KICS2: variants seen among roughly 807,000 people sequenced by gnomAD.
The protein encoded by KICS2 is KICSTOR complex protein C12orf66.
A neutral mutation model predicts 31.4 loss-of-function variants in KICS2; 13 were observed. The ratio of observed to expected loss-of-function variants is 0.41; its 90% confidence interval spans 0.27 to 0.66. The LOEUF (loss-of-function observed/expected upper bound fraction) is 0.66, where lower values mean the gene tolerates loss of function less well. KICS2 is among the 30% of genes least tolerant of loss of function. The pLI is 0.28. For missense variants in KICS2, 455 were observed against 545.4 expected (o/e 0.83, Z 1.65); for synonymous variants, 209 against 214.8 (o/e 0.97, Z 0.24).
rs2037689031 is a variant in KICS2 at position 64,222,066 on chromosome 12, A to C, written c.172T>G (p.Leu58Val). 3.7e-6 allele frequency: 6 copies of C among 1,613,532 alleles called. No individual in the cohort carries two copies. The highest frequency in any genetic ancestry group is 4.2e-6 in the Non-Finnish European group (5 of 1,179,860). ...GGSWLSLLAA[L>V]AHLAAAEKVY... ...TTCTCGGCCGCGGCCAGGTGCGCCA[A>C]GGCCGCCAGCAGCGACAGCCAGCTG... Residue 58 changes from leucine to valine, a missense_variant, in exon 1 of 3, where the codon TTG (leucine) becomes GTG (valine). By Grantham distance (32) the Leu-to-Val change is conservative. Transcript: ENST00000398055.
chr12:64,218,430 TA>T (rs906989908), intron 1 of KICS2, among the ~76,000 whole-genome samples: 1 of 151,880 alleles, frequency 6.6e-6, no homozygotes, highest in Non-Finnish European at 1.5e-5. Context: ...GTGATAGAGC[TA>T]AAAAAAACAA....
At position 64,222,181 on chromosome 12, in the gene KICS2, C is replaced by G; in HGVS notation, c.57G>C (p.Glu19Asp). ...AGATACCCAGGTGAGAGAAGAACGT[C>G]TCCAGCACCGCCTGTTCCACCGGGA... ...APVPVEQAVL[E>D]TFFSHLGIFS... Residue 19 changes from glutamate (E) to aspartate (D), a missense_variant, in exon 1 of 3, where the codon GAG becomes GAC. Glu to Asp is a conservative substitution (Grantham distance 45, BLOSUM62 2). Transcript: ENST00000398055. 6.2e-7 allele frequency: 1 copy of G among 1,614,118 alleles called. No homozygotes were observed. The highest frequency in any genetic ancestry group is 1.3e-5 in the African/African-American group (1 of 75,062).
downstream of KICS2, chr12:64,187,542 A>C (rs1236804807): frequency 4.8e-6 from 6 of 1,237,716 alleles, 1 homozygote; most frequent in Admixed American, 8.0e-5. Flanking sequence ...AGAAGTCTCC[A>C]AAGGCAGAAA....
intron 2 of KICS2, among the ~76,000 whole-genome samples, chr12:64,205,208 CCTTAAGAGGACATAA>C: frequency 6.6e-6 from 1 of 152,174 alleles, no homozygotes; most frequent in Non-Finnish European, 1.5e-5. Context: ...CCAATGCTCT[CCTTAAGAGGACATAA>C]ATTCCCTGTC....
At position 64,194,493 on chromosome 12, in the gene KICS2, G is replaced by C. The variant is rs1342248743; in HGVS notation, c.687C>G (p.Ile229Met). The change falls in exon 3 of 3, where the codon ATC (isoleucine) becomes ATG (methionine). Residue 229 changes from isoleucine to methionine, a missense_variant. Physicochemically the swap from Ile to Met is conservative, Grantham distance 10 (BLOSUM62 1). Transcript: ENST00000398055. ...TCTTGGTCTCCCGCTGTTTCTCAAAGATCTGGCCCCACGTCTGCAGTTTGG... is the reference window on the plus strand; with the variant it reads ...TCTTGGTCTCCCGCTGTTTCTCAAACATCTGGCCCCACGTCTGCAGTTTGG... Reference protein sequence around the residue: ...AHTKLQTWGQIFEKQRETKKH... With the variant: ...AHTKLQTWGQMFEKQRETKKH... The C allele has an allele frequency of 6.2e-7, 1 of 1,614,126 alleles. No homozygotes were observed. Among genetic ancestry groups the C allele is most frequent in the South Asian group, 1.1e-5 (1 of 91,082 alleles).
At position 64,194,447 on chromosome 12, in the gene KICS2, A is replaced by T; in HGVS notation, c.733T>A (p.Ser245Thr). The T allele has an allele frequency of 6.2e-7, 1 of 1,614,194 alleles. No homozygotes were observed. Among genetic ancestry groups the T allele is most frequent in the Non-Finnish European group, 8.5e-7 (1 of 1,180,030 alleles). Residue 245 changes from serine (S) to threonine (T), a missense_variant, in exon 3 of 3, where the codon TCT becomes ACT. Coordinates refer to ENST00000398055, the MANE Select transcript of KICS2 (RefSeq NM_152440.5). ...TGTGGAGGCTGCACGGCCTTCTGAG[A>T]CTGCCCTCCAAACAGATGTTTCTTG... ...ETKKHLFGGQ[S>T]QKAVQPPHLF...
chr12:64,211,993 A>C (rs1187966707), intron 2 of KICS2, among the ~76,000 whole-genome samples: 2 of 152,182 alleles, frequency 1.3e-5, no homozygotes, highest in South Asian at 2.1e-4. Flanking sequence ...AGTATGTAGG[A>C]GGAAAGTGTC....
At chr12:64,205,618 G>GAAGGAAGGAAAAAGGGAAGA in intron 2 of KICS2, among the ~76,000 whole-genome samples, 1 of 142,092 alleles carries the variant, frequency 7.0e-6, no homozygotes, top group Non-Finnish European at 1.5e-5. Context: ...AAAAGGGAAG[G>GAAGGAAGGAAAAAGGGAAGA]AAGGAAGGAA....
intron 1 of KICS2, among the ~76,000 whole-genome samples, chr12:64,218,660 C>T (rs1163135126): frequency 1.3e-5 from 2 of 150,612 alleles, no homozygotes; most frequent in African/African-American, 4.9e-5. Context: ...AAAATTTTAA[C>T]TTCACATTGA....
chr12:64,207,635 C>T (rs1215781961), intron 2 of KICS2, among the ~76,000 whole-genome samples: 1 of 152,160 alleles, frequency 6.6e-6, no homozygotes, highest in Non-Finnish European at 1.5e-5. Flanking sequence ...AGCTACTTCC[C>T]CTCCAACCTT....
intron 2 of KICS2, among the ~76,000 whole-genome samples, chr12:64,195,411 A>C (rs1193956628): frequency 6.6e-6 from 1 of 152,224 alleles, no homozygotes; most frequent in African/African-American, 2.4e-5. Flanking sequence ...CAGTAATGCT[A>C]TGAGGTATTA....
chr12:64,209,856 A>G (rs1188837777), intron 2 of KICS2, among the ~76,000 whole-genome samples: 6 of 152,222 alleles, frequency 3.9e-5, no homozygotes, highest in Non-Finnish European at 1.5e-5. Context: ...AAAATTTGTT[A>G]TAAGAGTTCT....
chr12:64,201,619 G>GAAA (rs142477212), intron 2 of KICS2, among the ~76,000 whole-genome samples: 1 of 117,624 alleles, frequency 8.5e-6, no homozygotes, highest in Non-Finnish European at 1.7e-5. Flanking sequence ...AAAAAAAAAA[G>GAAA]AAAAAAAAAA....
rs2037406341 is a variant in KICS2, at chr12:64,193,944, T to C, written c.1236A>G (p.Lys412=). ...AAATAAAGTGGGAGTCTCTCTCAGA[T>C]TTCTTTGACTCAAAAATGATGACAA... The part of the protein sequence containing the change: ...FTIVIIFESK[K]SERDSHFISF... Residue 412 remains lysine (K), a synonymous_variant, in exon 3 of 3, where the codon AAA becomes AAG. Transcript: ENST00000398055. The C allele has an allele frequency of 6.2e-7, 1 of 1,614,202 alleles. No homozygotes were observed. Among genetic ancestry groups the C allele is most frequent in the Non-Finnish European group, 8.5e-7 (1 of 1,180,040 alleles).
chr12:64,195,516 G>T (rs2136688851), intron 2 of KICS2, among the ~76,000 whole-genome samples: 1 of 152,292 alleles, frequency 6.6e-6, no homozygotes, highest in East Asian at 1.9e-4. Context: ...GCATTTATCA[G>T]ACAGCCCTTA....
chr12:64,187,909 T>C (rs933124520), downstream of KICS2, among the ~76,000 whole-genome samples: 3 of 152,180 alleles, frequency 2.0e-5, no homozygotes, highest in African/African-American at 7.2e-5. Context: ...TAGTTTTGAG[T>C]AACTTTTCCT....
At chr12:64,187,635 T>G (rs1455267682), downstream of KICS2, 1 of 1,535,954 alleles carries the variant, frequency 6.5e-7, no homozygotes, top group South Asian at 1.2e-5. Flanking sequence ...ACGAAATAAT[T>G]GCATTGGTAA....
intron 1 of KICS2, among the ~76,000 whole-genome samples, chr12:64,216,624 T>C (rs994206910): frequency 1.3e-5 from 2 of 152,172 alleles, no homozygotes; most frequent in Non-Finnish European, 2.9e-5. Flanking sequence ...TTATAAATAA[T>C]AAGCACCACA....
chr12:64,217,581 C>T (rs966253289), intron 1 of KICS2, among the ~76,000 whole-genome samples: 5 of 151,832 alleles, frequency 3.3e-5, no homozygotes, highest in African/African-American at 1.2e-4. Context: ...GGAGGATCAC[C>T]CGAGGTCAGG....
Sources: gnomAD v4.1 joint callset for allele counts (sites outside exome capture counted in the v4.1 genomes callset) on GRCh38, gnomAD v4.1.1 for gene constraint, MANE v1.5 for transcripts, NCBI Gene and HGNC (gene_info 2026-07-23, HGNC 2026-07-21) for gene names.